Variants in DENND1A observed in about 807,000 individuals in gnomAD.
The protein encoded by DENND1A is DENN domain-containing protein 1A.
Under a neutral mutation model 113.7 loss-of-function variants are expected in DENND1A, and 51 were observed. That is an observed-to-expected ratio of 0.45 (90% CI 0.36 to 0.57). DENND1A has a LOEUF of 0.57. Among genes scored for constraint, DENND1A ranks in the 20% least tolerant of loss-of-function variants. The probability of loss-of-function intolerance (pLI) is 0.00; values close to 1 mark genes in which losing one functional copy is unlikely to be tolerated. For synonymous variants in DENND1A, 565 were observed against 570.8 expected (o/e 0.99, Z 0.14); for missense variants, 1,258 against 1,395.9 (o/e 0.90, Z 1.57).
rs540932947 is a variant in DENND1A, at chr9:123,683,392, C to T, written c.303-6603G>A. 1.4e-4 allele frequency among the ~76,000 whole-genome samples: 22 copies of T among 152,246 alleles called. No individual in the cohort carries two copies. In the East Asian group the frequency reaches 3.9e-3, roughly 27 times the overall value. On this transcript the variant is annotated intron_variant, in intron 5 of 23. Coordinates refer to ENST00000394215, the MANE Select transcript of DENND1A (RefSeq NM_001352964.2). ...CAAATACTTTTGGAAAAAAATGACT[C>T]CTTTTATGATTATGCTGTGAAAGTC...
At chr9:123,748,152 A>C (rs1462799559) in intron 5 of DENND1A, among the ~76,000 whole-genome samples, 2 of 152,172 alleles carry the variant, frequency 1.3e-5, no homozygotes, top group Non-Finnish European at 2.9e-5. Context: ...AGTTAAAAAC[A>C]CTCTCAGGAA....
intron 14 of DENND1A, 96 bp downstream of exon 14, chr9:123,457,697 C>T (rs576384019): frequency 4.9e-6 from 6 of 1,215,002 alleles, no homozygotes; most frequent in Middle Eastern, 2.6e-4. Flanking sequence ...GGGCCTGAGT[C>T]CCATCCATGC....
At chr9:123,651,685 G>T (rs1589520220) in intron 9 of DENND1A, among the ~76,000 whole-genome samples, 1 of 152,274 alleles carries the variant, frequency 6.6e-6, no homozygotes, top group African/African-American at 2.4e-5. Context: ...TCAAGAGAAG[G>T]ATTTAGTAAA....
intron 11 of DENND1A, among the ~76,000 whole-genome samples, chr9:123,605,923 C>T (rs1220027250): frequency 6.6e-6 from 1 of 152,144 alleles, no homozygotes; most frequent in Non-Finnish European, 1.5e-5. Flanking sequence ...AATAAGGTGC[C>T]TATAGCTTTC....
At position 123,607,612 on chromosome 9, in the gene DENND1A, G is replaced by C. The variant is rs535308687; in HGVS notation, c.765+1824C>G. Reference sequence around the variant, plus strand: ...ATAAATTGTTTGGGGAAGACTGGGGGAGACATCCGTAGTACATCCAGGTGA... The same window carrying C: ...ATAAATTGTTTGGGGAAGACTGGGGCAGACATCCGTAGTACATCCAGGTGA... On this transcript the variant is annotated intron_variant, in intron 11 of 23. Coordinates refer to ENST00000394215, the MANE Select transcript of DENND1A (RefSeq NM_001352964.2). Among the ~76,000 whole-genome samples, 4 of 145,422 alleles carry C rather than the reference G, an allele frequency of 2.8e-5. No individual in the cohort carries two copies. In the East Asian group the frequency reaches 8.8e-4, roughly 32 times the overall value.
intron 18 of DENND1A, among the ~76,000 whole-genome samples, chr9:123,447,472 T>C (rs1488477720): frequency 6.6e-6 from 1 of 152,144 alleles, no homozygotes; most frequent in Non-Finnish European, 1.5e-5. Context: ...AGCTCAGTCA[T>C]ATTAGAGATG....
intron 4 of DENND1A, among the ~76,000 whole-genome samples, chr9:123,758,727 C>T (rs1046047972): frequency 2.4e-4 from 37 of 152,160 alleles, no homozygotes; most frequent in African/African-American, 8.9e-4. Context: ...TTAAAAACCA[C>T]ACATAAACGC....
chr9:123,833,686 T>C (rs1840628073), intron 2 of DENND1A, among the ~76,000 whole-genome samples: 1 of 152,210 alleles, frequency 6.6e-6, no homozygotes, highest in South Asian at 2.1e-4. Flanking sequence ...ACCTAAGCTT[T>C]CTAGTAAGCA....
At chr9:123,770,925 A>G (rs779886184) in intron 3 of DENND1A, among the ~76,000 whole-genome samples, 4 of 152,228 alleles carry the variant, frequency 2.6e-5, no homozygotes, top group Non-Finnish European at 5.9e-5. Context: ...AATGAAGCAG[A>G]AAGCACATTG....
chr9:123,410,866 A>G (rs2044251099), intron 20 of DENND1A, among the ~76,000 whole-genome samples: 1 of 152,044 alleles, frequency 6.6e-6, no homozygotes, highest in Non-Finnish European at 1.5e-5. Context: ...AACAGCCCCC[A>G]TCGAAAGGTC....
chr9:123,721,256 C>T (rs958650633), intron 5 of DENND1A, among the ~76,000 whole-genome samples: 3 of 152,232 alleles, frequency 2.0e-5, no homozygotes, highest in African/African-American at 2.4e-5. Flanking sequence ...CACCACATGA[C>T]CTGTGAGGTC....
intron 1 of DENND1A, among the ~76,000 whole-genome samples, chr9:123,923,648 G>A (rs1445887147): frequency 1.3e-5 from 2 of 152,146 alleles, no homozygotes; most frequent in African/African-American, 2.4e-5. Flanking sequence ...AAATGAGATC[G>A]GTTTATCCTC....
At chr9:123,748,872 T>C (rs2069760307) in intron 5 of DENND1A, among the ~76,000 whole-genome samples, 1 of 152,218 alleles carries the variant, frequency 6.6e-6, no homozygotes, top group Non-Finnish European at 1.5e-5. Context: ...AATTCTGAGA[T>C]CCTTTCAAAA....
At chr9:123,714,987 G>T (rs2066878495) in intron 5 of DENND1A, among the ~76,000 whole-genome samples, 4 of 152,100 alleles carry the variant, frequency 2.6e-5, no homozygotes, top group Admixed American at 6.5e-5. Flanking sequence ...TTCGAGACCA[G>T]CCTGGCCAAC....
At chr9:123,586,893 A>G (rs2059195210) in intron 11 of DENND1A, among the ~76,000 whole-genome samples, 1 of 152,128 alleles carries the variant, frequency 6.6e-6, no homozygotes, top group African/African-American at 2.4e-5. Context: ...CAGAGAGGTC[A>G]AACAAGCTGC....
chr9:123,516,809 G>A (rs1390987374), intron 13 of DENND1A, among the ~76,000 whole-genome samples: 3 of 144,828 alleles, frequency 2.1e-5, no homozygotes, highest in Non-Finnish European at 3.0e-5. Flanking sequence ...ACTTGAACCC[G>A]GGAGGCAGAA....
chr9:123,400,879 A>C (rs2043408627), intron 21 of DENND1A: 1 of 152,142 alleles, frequency 6.6e-6, no homozygotes, highest in Admixed American at 6.5e-5. Context: ...TGGAAGTGAG[A>C]GTTGGGGCAA....
intron 12 of DENND1A, among the ~76,000 whole-genome samples, chr9:123,560,198 C>G (rs141886667): frequency 2.0e-5 from 3 of 152,248 alleles, no homozygotes; most frequent in African/African-American, 7.2e-5. Context: ...TTTGAGGTGA[C>G]AATCTGAAAA....
intron 21 of DENND1A, among the ~76,000 whole-genome samples, chr9:123,393,910 G>A (rs970313631): frequency 4.6e-5 from 7 of 152,164 alleles, no homozygotes; most frequent in Non-Finnish European, 8.8e-5. Context: ...CTGGGGACTT[G>A]CTTTGCCGGA....
Sources: gnomAD v4.1 joint callset for allele counts (sites outside exome capture counted in the v4.1 genomes callset) on GRCh38, gnomAD v4.1.1 for gene constraint, MANE v1.5 for transcripts, NCBI Gene and HGNC (gene_info 2026-07-23, HGNC 2026-07-21) for gene names.